ZFHX4: variants seen among roughly 807,000 people sequenced by gnomAD.
The protein encoded by ZFHX4 is zinc finger homeobox protein 4.
ZFHX4 carries 56 observed loss-of-function variants against 267.6 expected under a neutral mutation model. That is an observed-to-expected ratio of 0.21 (90% CI 0.17 to 0.26). ZFHX4 has a LOEUF of 0.26. ZFHX4 is among the 10% of genes least tolerant of loss of function. The pLI is 1.00. For synonymous variants in ZFHX4, 1,778 were observed against 1,665.6 expected, an observed-to-expected ratio of 1.07 and a Z score of -1.64; for missense variants, 4,332 against 4,420.0, an observed-to-expected ratio of 0.98 and a Z score of 0.56.
intron 4 of ZFHX4, among the ~76,000 whole-genome samples, chr8:76,827,175 GGAT>G (rs1232300087): frequency 1.3e-5 from 2 of 152,172 alleles, no homozygotes; most frequent in Non-Finnish European, 2.9e-5. Flanking sequence ...GATGGTTTGG[GGAT>G]GAAACTGTTC....
intron 3 of ZFHX4, among the ~76,000 whole-genome samples, chr8:76,771,143 T>C (rs1363405641): frequency 6.6e-6 from 1 of 152,134 alleles, no homozygotes; most frequent in African/African-American, 2.4e-5. Flanking sequence ...GAGATGTGCC[T>C]TTATCAGGTT....
chr8:76,821,975 G>C (rs1313576655), intron 4 of ZFHX4, among the ~76,000 whole-genome samples: 1 of 151,784 alleles, frequency 6.6e-6, no homozygotes, highest in East Asian at 1.9e-4. Flanking sequence ...CTTGCTCTCT[G>C]TTTCTCTATC....
chr8:76,705,254 C>G lies in ZFHX4; in HGVS notation c.1166C>G (p.Ser389Trp). The change falls in exon 2 of 11, where the codon TCG becomes TGG. Residue 389 changes from serine (S) to tryptophan (W), a missense_variant. Around this residue, in one of 7 missense-constraint regions of ZFHX4, gnomAD observed 1,195 missense variants for 1,173.6 expected, o/e 1.02. Transcript: ENST00000651372. ...FAFLKGSAST[S>W]SSAEQPLGIT... Reference sequence around the variant, plus strand: ...TTCTTAAAAGGAAGCGCGAGCACCTCGAGCTCAGCAGAGCAGCCGCTGGGG... The same window carrying G: ...TTCTTAAAAGGAAGCGCGAGCACCTGGAGCTCAGCAGAGCAGCCGCTGGGG... 2 of 1,613,990 alleles carry G rather than the reference C, an allele frequency of 1.2e-6. No individual in the cohort carries two copies. Among genetic ancestry groups the G allele is most frequent in the Non-Finnish European group, 1.7e-6 (2 of 1,179,886 alleles).
rs149822483 is a variant in ZFHX4 at position 76,708,138 on chromosome 8, A to G, written c.3093+90A>G. 3.1e-5 allele frequency: 47 copies of G among 1,536,446 alleles called. No individual in the cohort carries two copies. In the African/African-American group the frequency reaches 6.3e-4, roughly 21 times the overall value. On this transcript the variant is annotated intron_variant, in intron 3 of 10. Transcript: ENST00000651372. Reference sequence around the variant, plus strand: ...GGAGCACAAGTCTCCAACTTAAGGAAAAAAAAAGAGAAAAAACATCAAAGG... The same window carrying G: ...GGAGCACAAGTCTCCAACTTAAGGAGAAAAAAAGAGAAAAAACATCAAAGG...
At chr8:76,712,725 T>G (rs1808458927) in intron 3 of ZFHX4, among the ~76,000 whole-genome samples, 1 of 152,218 alleles carries the variant, frequency 6.6e-6, no homozygotes, top group African/African-American at 2.4e-5. Context: ...ACAAAAGTTA[T>G]TCTTTTCTGT....
intron 4 of ZFHX4, among the ~76,000 whole-genome samples, chr8:76,800,080 G>C (rs1811080038): frequency 6.6e-6 from 1 of 152,080 alleles, no homozygotes; most frequent in East Asian, 1.9e-4. Flanking sequence ...GTGTGTGTGT[G>C]TTGTGGGGAG....
intron 5 of ZFHX4, among the ~76,000 whole-genome samples, chr8:76,836,726 A>G (rs1015417773): frequency 1.3e-5 from 2 of 152,032 alleles, no homozygotes; most frequent in African/African-American, 4.8e-5. Flanking sequence ...ACAAGGTTCA[A>G]GCAGAAGAAT....
rs772356228 is a variant in ZFHX4, at chr8:76,854,278, C to T, written c.7357C>T (p.Pro2453Ser). ...CCAGCCACAGCCACAGCCACAGCCACCAAAACAACCCCAACTTATCGGAAG... is the reference window on the plus strand; with the variant it reads ...CCAGCCACAGCCACAGCCACAGCCATCAAAACAACCCCAACTTATCGGAAG... ...TAQPQPQPQP[P>S]KQPQLIGRPP... is the part of the protein sequence containing the mutation. Residue 2453 changes from proline (P) to serine (S), a missense_variant, in exon 10 of 11, where the codon CCA becomes TCA. This residue lies in a region of ZFHX4 where 1,648 missense variants were observed against 1,625.0 expected (regional missense o/e 1.01). Transcript: ENST00000651372. 19 of 1,593,316 alleles carry T rather than the reference C, an allele frequency of 1.2e-5. No individual in the cohort carries two copies. Among genetic ancestry groups the T allele is most frequent in the Non-Finnish European group, 1.5e-5 (17 of 1,169,704 alleles).
rs377106518 is a variant in ZFHX4 at position 76,852,226 on chromosome 8, G to A, written c.5305G>A (p.Gly1769Arg). 3 of 1,612,554 alleles carry A rather than the reference G, an allele frequency of 1.9e-6. No individual in the cohort carries two copies. The highest frequency in any genetic ancestry group is 2.5e-6 in the Non-Finnish European group (3 of 1,179,156). ...SATFGMPGMTGMAGSLLEDLK... is the reference protein window; with the variant it reads ...SATFGMPGMTRMAGSLLEDLK... ...CACATTTGGGATGCCTGGCATGACA[G>A]GAATGGCTGGCTCCTTGCTTGAAGA... Residue 1769 changes from glycine (G) to arginine (R), a missense_variant, in exon 10 of 11, where the codon GGA becomes AGA. Gly to Arg is a moderately radical substitution (Grantham distance 125). Around this residue, in one of 7 missense-constraint regions of ZFHX4, gnomAD observed 1,371 missense variants for 1,423.1 expected, o/e 0.96. Transcript: ENST00000651372.
chr8:76,841,835 C>A (rs1186935975), intron 5 of ZFHX4, among the ~76,000 whole-genome samples: 4 of 152,174 alleles, frequency 2.6e-5, no homozygotes, highest in African/African-American at 7.2e-5. Flanking sequence ...AATGTGACAT[C>A]AGCACAGTGA....
chr8:76,752,257 T>C (rs1809632314), intron 3 of ZFHX4, among the ~76,000 whole-genome samples: 1 of 152,002 alleles, frequency 6.6e-6, no homozygotes, highest in South Asian at 2.1e-4. Flanking sequence ...TATTGGTTCA[T>C]TCATAAATGT....
chr8:76,733,655 T>A (rs1396133460), intron 3 of ZFHX4, among the ~76,000 whole-genome samples: 4 of 152,180 alleles, frequency 2.6e-5, no homozygotes, highest in Non-Finnish European at 4.4e-5. Context: ...TATATTAAGA[T>A]AATATTCATA....
rs761087739 is a variant in ZFHX4, at chr8:76,704,283, C to G, written c.195C>G (p.Ser65Arg). ...ERKSEALLGF[S>R]VENAAATQVT... is the part of the protein sequence containing the mutation. Reference sequence around the variant, plus strand: ...AAAGTGAAGCCTTGCTGGGTTTCAGCGTTGAGAATGCAGCTGCCACTCAGG... The same window carrying G: ...AAAGTGAAGCCTTGCTGGGTTTCAGGGTTGAGAATGCAGCTGCCACTCAGG... The change falls in exon 2 of 11, where the codon AGC (serine) becomes AGG (arginine). Residue 65 changes from serine to arginine, a missense_variant. By Grantham distance (110) the Ser-to-Arg change is moderately radical. This residue lies in a region of ZFHX4 where 1,195 missense variants were observed against 1,173.6 expected (regional missense o/e 1.02). Transcript: ENST00000651372. 15 of 1,613,818 alleles carry G rather than the reference C, an allele frequency of 9.3e-6. No individual in the cohort carries two copies. In the South Asian group the frequency reaches 1.6e-4, roughly 18 times the overall value.
intron 4 of ZFHX4, among the ~76,000 whole-genome samples, chr8:76,783,408 A>G (rs368184195): frequency 3.9e-5 from 6 of 152,058 alleles, no homozygotes; most frequent in East Asian, 1.9e-4. Context: ...ACCATATTTT[A>G]ATTATTAAAA....
In ZFHX4 at chr8:76,863,215, T is replaced by C. The variant is rs1379072114; in HGVS notation, c.9501T>C (p.Pro3167=). ...TGCAGACTCCACCACCTCCACCACC[T>C]CCTCCTCCTCCTCCTCCTTCATCCT... ...PLLQTPPPPP[P]PPPPPPSSSL... is the part of the protein sequence containing the mutation. Residue 3167 remains proline (P), a synonymous_variant, in exon 11 of 11, where the codon CCT becomes CCC. Transcript: ENST00000651372. 1 of 1,528,682 alleles carries C rather than the reference T, an allele frequency of 6.5e-7. No individual in the cohort carries two copies. Among genetic ancestry groups the C allele is most frequent in the African/African-American group, 1.4e-5 (1 of 72,376 alleles). 94.7% of individuals were successfully genotyped at this position (1,528,682 alleles called of 1,614,324 possible).
intron 3 of ZFHX4, among the ~76,000 whole-genome samples, chr8:76,717,789 G>T (rs1257900006): frequency 6.6e-6 from 1 of 151,858 alleles, no homozygotes; most frequent in Non-Finnish European, 1.5e-5. Context: ...GAGAAACGAG[G>T]TTTCGCTATG....
intron 3 of ZFHX4, among the ~76,000 whole-genome samples, chr8:76,728,489 G>A (rs150333801): frequency 1.2e-3 from 186 of 152,324 alleles, no homozygotes; most frequent in African/African-American, 4.2e-3. Context: ...AAATGGCCAA[G>A]AGGCAGGAAA....
Position 76,846,832 on chromosome 8 carries a change from C to A in ZFHX4, c.3512-2163C>A, listed in dbSNP as rs560804910. Among the ~76,000 whole-genome samples, 4 of 152,108 alleles carry A rather than the reference C, an allele frequency of 2.6e-5. No individual in the cohort carries two copies. In the South Asian group the frequency reaches 8.3e-4, roughly 32 times the overall value. ...TTTATAAGTTTCTGAAAGATTTATT[C>A]TATTACTGATGATCCAAAGGGCCTG... On this transcript the variant is annotated intron_variant, in intron 6 of 10. Coordinates refer to ENST00000651372, the MANE Select transcript of ZFHX4 (RefSeq NM_024721.5).
chr8:76,681,575 C>CA lies in ZFHX4; in HGVS notation c.-86dup. Reference sequence around the variant, plus strand: ...AGCTGTAAGTAAAATAAAAGCAAAACAAAAAAGAGGCGAAGATCGAGTAGG... The same window carrying CA: ...AGCTGTAAGTAAAATAAAAGCAAAACAAAAAAAGAGGCGAAGATCGAGTAGG... On this transcript the variant is annotated 5_prime_UTR_variant, in exon 1 of 11. Coordinates refer to ENST00000651372, the MANE Select transcript of ZFHX4 (RefSeq NM_024721.5). 1 of 397,930 alleles carries CA rather than the reference C, an allele frequency of 2.5e-6. No homozygotes were observed. The highest frequency in any genetic ancestry group is 3.6e-5 in the East Asian group (1 of 28,032). 24.6% of individuals were successfully genotyped at this position (397,930 alleles called of 1,614,324 possible). A position where few individuals can be genotyped will look rare whatever the true frequency, so the allele number is the denominator to read the frequency against.
Sources: allele counts gnomAD v4.1 joint callset (sites outside exome capture counted in the v4.1 genomes callset), GRCh38; gene constraint gnomAD v4.1.1; regional missense constraint gnomAD v4.1.1; transcripts MANE v1.5; gene names NCBI Gene and HGNC (gene_info 2026-07-23, HGNC 2026-07-21).